The following ZNF277 variants were observed in gnomAD, a reference collection of about 807,000 sequenced individuals.
ZNF277 encodes the protein nuclear receptor-interacting factor 4.
Under a neutral mutation model 60.7 loss-of-function variants are expected in ZNF277, and 55 were observed. The observed-to-expected ratio is 0.91, with a 90% CI of 0.73 to 1.13. ZNF277 has a LOEUF of 1.13. ZNF277 is among the 50% of genes most tolerant of loss of function. The pLI is 0.00. For missense variants in ZNF277, 510 were observed against 523.0 expected (o/e 0.98, Z 0.24); for synonymous variants, 178 against 179.3 (o/e 0.99, Z 0.06).
intron 1 of ZNF277, among the ~76,000 whole-genome samples, chr7:112,277,372 A>G (rs28407071): frequency 0.058 from 8,773 of 152,158 alleles, 677 homozygotes; most frequent in African/African-American, 0.18. Context: ...GTGAGCCACC[A>G]CGCCTGGCCA....
At chr7:112,211,992 A>G (rs976880042) in intron 1 of ZNF277, among the ~76,000 whole-genome samples, 3 of 152,244 alleles carry the variant, frequency 2.0e-5, no homozygotes, top group Admixed American at 6.5e-5. Flanking sequence ...GAGCAGAGGA[A>G]CTGAAGTAGA....
intron 1 of ZNF277, among the ~76,000 whole-genome samples, chr7:112,270,235 G>A (rs1454632110): frequency 3.3e-5 from 5 of 152,076 alleles, no homozygotes; most frequent in Non-Finnish European, 7.4e-5. Context: ...GTAGGTCCTT[G>A]GGGGCACTTA....
intron 1 of ZNF277, among the ~76,000 whole-genome samples, chr7:112,259,823 A>G (rs1265427702): frequency 6.6e-6 from 1 of 152,190 alleles, no homozygotes; most frequent in Non-Finnish European, 1.5e-5. Context: ...AGAAAGGAAT[A>G]AAAGGATTTT....
intron 1 of ZNF277, among the ~76,000 whole-genome samples, chr7:112,219,275 G>A (rs1331719155): frequency 1.3e-5 from 2 of 152,104 alleles, no homozygotes; most frequent in South Asian, 2.1e-4. Flanking sequence ...TTGGGGTCGT[G>A]TACAAAAAAT....
At chr7:112,263,435 T>C (rs116505249) in intron 1 of ZNF277, among the ~76,000 whole-genome samples, 29 of 152,354 alleles carry the variant, frequency 1.9e-4, no homozygotes, top group African/African-American at 6.7e-4. Flanking sequence ...GCCTTCCTCA[T>C]AGGACATTTC....
chr7:112,247,286 T>G (rs954242449), intron 1 of ZNF277, among the ~76,000 whole-genome samples: 1 of 152,172 alleles, frequency 6.6e-6, no homozygotes, highest in Non-Finnish European at 1.5e-5. Flanking sequence ...TTGTATTCAT[T>G]TTTGTCTCCG....
intron 7 of ZNF277, 52 bp from the exon 8 acceptor site, chr7:112,336,052 T>A: frequency 6.8e-7 from 1 of 1,475,018 alleles, no homozygotes; most frequent in South Asian, 1.2e-5. Flanking sequence ...CTACATACTC[T>A]CTCCCTTCTC....
At chr7:112,297,227 G>A (rs908239799) in intron 4 of ZNF277, among the ~76,000 whole-genome samples, 1 of 151,636 alleles carries the variant, frequency 6.6e-6, no homozygotes, top group Non-Finnish European at 1.5e-5. Context: ...GCACCCGGCT[G>A]AAAATTTTTA....
chr7:112,287,956 AC>A (rs1792112572), intron 2 of ZNF277: 1 of 136,204 alleles, frequency 7.3e-6, no homozygotes, highest in South Asian at 2.2e-4. Flanking sequence ...GATAATACTC[AC>A]TTTGCAGCAT....
chr7:112,261,352 C>T (rs1791434868), intron 1 of ZNF277, among the ~76,000 whole-genome samples: 1 of 152,128 alleles, frequency 6.6e-6, no homozygotes, highest in South Asian at 2.1e-4. Flanking sequence ...TGGTTTTCAG[C>T]TTATTTATTT....
intron 4 of ZNF277, among the ~76,000 whole-genome samples, chr7:112,298,354 A>G (rs1271706966): frequency 6.6e-6 from 1 of 152,314 alleles, no homozygotes; most frequent in South Asian, 2.1e-4. Flanking sequence ...GGATTTGGAT[A>G]GTTAAGAGAG....
At chr7:112,269,992 G>T (rs752866968) in intron 1 of ZNF277, among the ~76,000 whole-genome samples, 2 of 152,036 alleles carry the variant, frequency 1.3e-5, no homozygotes, top group South Asian at 2.1e-4. Flanking sequence ...GGGGAAGAGG[G>T]CTAGGGACAG....
chr7:112,309,083 AG>A (rs1792664813), intron 4 of ZNF277, among the ~76,000 whole-genome samples: 2 of 152,138 alleles, frequency 1.3e-5, no homozygotes, highest in Admixed American at 1.3e-4. Context: ...GATCTACTTT[AG>A]GGGGAAAGGG....
At chr7:112,257,798 A>T (rs796418461) in intron 1 of ZNF277, among the ~76,000 whole-genome samples, 44 of 151,980 alleles carry the variant, frequency 2.9e-4, no homozygotes, top group African/African-American at 1.0e-3. Flanking sequence ...TTTTTAATTT[A>T]TATTATTTTA....
chr7:112,300,060 T>A (rs1336893013), intron 4 of ZNF277, among the ~76,000 whole-genome samples: 1 of 152,168 alleles, frequency 6.6e-6, no homozygotes, highest in Admixed American at 6.5e-5. Context: ...ATATTGTTAT[T>A]TTTCCCCAAA....
At chr7:112,331,969 T>C (rs1793236891) in intron 7 of ZNF277, among the ~76,000 whole-genome samples, 1 of 152,212 alleles carries the variant, frequency 6.6e-6, no homozygotes, top group Non-Finnish European at 1.5e-5. Context: ...CTCACTCTTA[T>C]TCTGCCAGCA....
At chr7:112,230,504 A>T (rs1822295100) in intron 1 of ZNF277, among the ~76,000 whole-genome samples, 1 of 152,196 alleles carries the variant, frequency 6.6e-6, no homozygotes, top group Non-Finnish European at 1.5e-5. Context: ...GAGAACAGAG[A>T]TAACTGAGGA....
chr7:112,264,573 G>A (rs530264723), intron 1 of ZNF277, among the ~76,000 whole-genome samples: 1 of 152,152 alleles, frequency 6.6e-6, no homozygotes, highest in Admixed American at 6.6e-5. Flanking sequence ...ATTCCATGGT[G>A]TGGAAAGTTA....
intron 1 of ZNF277, among the ~76,000 whole-genome samples, chr7:112,236,335 A>T (rs1790784660): frequency 6.6e-6 from 1 of 152,000 alleles, no homozygotes; most frequent in African/African-American, 2.4e-5. Context: ...TTAGTGGATT[A>T]TTTTTCAGGT....
Sources: gnomAD v4.1 joint callset for allele counts (sites outside exome capture counted in the v4.1 genomes callset) on GRCh38, gnomAD v4.1.1 for gene constraint, MANE v1.5 for transcripts, NCBI Gene and HGNC (gene_info 2026-07-23, HGNC 2026-07-21) for gene names.